The following PRELID2 variants were observed in gnomAD, a reference collection of about 807,000 sequenced individuals.
PRELID2 encodes PRELI domain containing 2.
Under a neutral mutation model 28.4 loss-of-function variants are expected in PRELID2, and 25 were observed. That is an observed-to-expected ratio of 0.88 (90% CI 0.64 to 1.23). The LOEUF (loss-of-function observed/expected upper bound fraction) is 1.23. Among genes scored for constraint, PRELID2 ranks in the 50% most tolerant of loss-of-function variants. The pLI is 0.00. For synonymous variants in PRELID2, 76 were observed against 71.6 expected (o/e 1.06, Z -0.31); for missense variants, 201 against 214.4 (o/e 0.94, Z 0.39).
the PRELID2 span, among the ~76,000 whole-genome samples, chr5:145,461,309 C>CA: frequency 1.4e-5 from 2 of 146,112 alleles, no homozygotes; most frequent in Non-Finnish European, 3.0e-5. Flanking sequence ...ACTTCTTCTT[C>CA]TTTTTTTTTG....
At chr5:145,237,833 T>C in the PRELID2 span, among the ~76,000 whole-genome samples, 1 of 152,238 alleles carries the variant, frequency 6.6e-6, no homozygotes, top group South Asian at 2.1e-4. Flanking sequence ...CCCCATCTGA[T>C]CATTCCTTCC....
chr5:145,299,635 A>ATGTG, the PRELID2 span, among the ~76,000 whole-genome samples: 2 of 107,556 alleles, frequency 1.9e-5, no homozygotes, highest in African/African-American at 7.6e-5. Flanking sequence ...CTACATATAT[A>ATGTG]TGTGTGTGCG....
chr5:145,596,303 G>T (rs1319262418), intron 1 of PRELID2, among the ~76,000 whole-genome samples: 1 of 151,974 alleles, frequency 6.6e-6, no homozygotes, highest in Non-Finnish European at 1.5e-5. Context: ...GAGGTTATTA[G>T]TGTACAAAGA....
At chr5:145,482,187 C>A (rs144301816) in intron 1 of PRELID2, among the ~76,000 whole-genome samples, 1 of 152,156 alleles carries the variant, frequency 6.6e-6, no homozygotes, top group East Asian at 1.9e-4. Context: ...AGATCCCACA[C>A]AGAAGGATTT....
At chr5:145,442,032 T>C in the PRELID2 span, among the ~76,000 whole-genome samples, 3 of 152,130 alleles carry the variant, frequency 2.0e-5, no homozygotes, top group Non-Finnish European at 4.4e-5. Context: ...GATAGGAGAC[T>C]CTCCAACAAA....
chr5:145,638,406 G>T (rs1272604257), intron 1 of PRELID2, among the ~76,000 whole-genome samples: 1 of 151,350 alleles, frequency 6.6e-6, no homozygotes, highest in Non-Finnish European at 1.5e-5. Context: ...CACACACACA[G>T]TCACCCTCAA....
chr5:145,626,924 A>T (rs370358448), intron 1 of PRELID2, among the ~76,000 whole-genome samples: 16 of 151,928 alleles, frequency 1.1e-4, no homozygotes, highest in African/African-American at 3.9e-4. Context: ...ACATGGTGAA[A>T]CCCTGTCTCT....
At chr5:145,740,772 A>G (rs1419389406) in intron 1 of PRELID2, among the ~76,000 whole-genome samples, 3 of 117,832 alleles carry the variant, frequency 2.5e-5, no homozygotes, top group Non-Finnish European at 4.9e-5. Context: ...ATAAATATAT[A>G]ATATATTTAT....
At chr5:145,586,002 G>A (rs1753150896) in intron 1 of PRELID2, among the ~76,000 whole-genome samples, 1 of 151,798 alleles carries the variant, frequency 6.6e-6, no homozygotes, top group Non-Finnish European at 1.5e-5. Flanking sequence ...GGATCATCCA[G>A]AGATTTCGAG....
chr5:145,426,759 C>T, the PRELID2 span, among the ~76,000 whole-genome samples: 1 of 152,166 alleles, frequency 6.6e-6, no homozygotes. Context: ...GAGATGTGAA[C>T]TCAGATCTGT....
At chr5:145,489,220 GC>G (rs1429764350) in intron 1 of PRELID2, among the ~76,000 whole-genome samples, 1 of 152,010 alleles carries the variant, frequency 6.6e-6, no homozygotes, top group East Asian at 1.9e-4. Flanking sequence ...GCTTTAATTG[GC>G]CAGAGTCAGT....
chr5:145,485,073 G>C (rs913602705), intron 1 of PRELID2, among the ~76,000 whole-genome samples: 1 of 152,094 alleles, frequency 6.6e-6, no homozygotes, highest in Admixed American at 6.5e-5. Flanking sequence ...CTATAATAAA[G>C]AAATAGCCAA....
chr5:145,450,937 A>G, the PRELID2 span: 1 of 152,204 alleles, frequency 6.6e-6, no homozygotes, highest in African/African-American at 2.4e-5. Flanking sequence ...TTAACCCTCA[A>G]GATGCCTCAG....
the PRELID2 span, among the ~76,000 whole-genome samples, chr5:145,297,191 G>C: frequency 3.3e-5 from 5 of 151,938 alleles, no homozygotes; most frequent in African/African-American, 2.4e-5. Flanking sequence ...AAGCTCTTTA[G>C]TTTAATTAGA....
chr5:145,229,466 C>A, the PRELID2 span: 1 of 930,724 alleles, frequency 1.1e-6, no homozygotes, highest in Non-Finnish European at 1.7e-6. Flanking sequence ...AGCCAAAGCC[C>A]CCAACACCCC....
At chr5:145,349,471 G>A in the PRELID2 span, among the ~76,000 whole-genome samples, 1 of 151,932 alleles carries the variant, frequency 6.6e-6, no homozygotes, top group African/African-American at 2.4e-5. Flanking sequence ...AGAGGAGGAA[G>A]CCACTTATTA....
intron 1 of PRELID2, among the ~76,000 whole-genome samples, chr5:145,678,828 T>C (rs907754470): frequency 6.2e-4 from 94 of 152,310 alleles, no homozygotes; most frequent in African/African-American, 2.2e-3. Flanking sequence ...AGAAATTATA[T>C]GTAGAAAAGA....
At chr5:145,414,274 G>A in the PRELID2 span, among the ~76,000 whole-genome samples, 1 of 152,144 alleles carries the variant, frequency 6.6e-6, no homozygotes. Flanking sequence ...CTACTTGGCA[G>A]ATGTGTCCTA....
the PRELID2 span, among the ~76,000 whole-genome samples, chr5:145,389,096 T>C: frequency 6.6e-6 from 1 of 152,196 alleles, no homozygotes; most frequent in Non-Finnish European, 1.5e-5. Flanking sequence ...TTCTGCCTTG[T>C]ACTACTTGCT....
Sources: allele counts gnomAD v4.1 joint callset (sites outside exome capture counted in the v4.1 genomes callset), GRCh38; gene constraint gnomAD v4.1.1; transcripts MANE v1.5; gene names NCBI Gene and HGNC (gene_info 2026-07-23, HGNC 2026-07-21).